VTA1: variants seen among roughly 807,000 people sequenced by gnomAD.
The protein encoded by VTA1 is vesicle trafficking 1, also known as vacuolar protein sorting-associated protein VTA1 homolog.
In VTA1, 24 loss-of-function variants were observed where a neutral mutation model predicts 36.9. The ratio of observed to expected loss-of-function variants is 0.65; its 90% CI spans 0.47 to 0.91. VTA1 has a LOEUF of 0.91. Among genes scored for constraint, VTA1 ranks in the 40% least tolerant of loss-of-function variants. VTA1 has a pLI of 0.00. For synonymous variants in VTA1, 142 were observed against 130.2 expected, an observed-to-expected ratio of 1.09 and a Z score of -0.62; for missense variants, 393 against 377.2, an observed-to-expected ratio of 1.04 and a Z score of -0.35.
At chr6:142,173,251 TA>T (rs1044175753) in intron 4 of VTA1, among the ~76,000 whole-genome samples, 4 of 152,148 alleles carry the variant, frequency 2.6e-5, no homozygotes, top group African/African-American at 9.7e-5. Flanking sequence ...GATGACTAAA[TA>T]AATACCCTTG....
Position 142,202,620 on chromosome 6 carries a change from A to G in VTA1, c.698-1365A>G, listed in dbSNP as rs750235640. Among the ~76,000 whole-genome samples the G allele has an allele frequency of 3.4e-4, 51 of 152,080 alleles. 1 individual carries two copies. Among genetic ancestry groups the G allele is most frequent in the East Asian group, 1.9e-4 (1 of 5,190 alleles). The stretch of plus-strand genomic sequence containing the variant: ...CTACCATTTGCAAAACACACACGCA[A>G]GTATGCCTTCTAGAAGATTTTGGTT... On this transcript the variant is annotated intron_variant, in intron 6 of 7. Transcript: ENST00000367630.
intron 7 of VTA1, among the ~76,000 whole-genome samples, chr6:142,204,742 T>TTTTTG (rs1001689678): frequency 1.3e-5 from 2 of 151,682 alleles, no homozygotes; most frequent in African/African-American, 4.8e-5. Context: ...GTGAAGACCT[T>TTTTTG]TTTTGTTTTG....
intron 1 of VTA1, among the ~76,000 whole-genome samples, chr6:142,165,980 CT>C (rs763634462): frequency 0.052 from 6,966 of 133,270 alleles, 360 homozygotes; most frequent in African/African-American, 0.13. Context: ...ACCTAGTCCT[CT>C]TTTTTTTTTT....
intron 4 of VTA1, among the ~76,000 whole-genome samples, chr6:142,178,470 G>C (rs1225577570): frequency 6.6e-6 from 1 of 152,118 alleles, no homozygotes; most frequent in African/African-American, 2.4e-5. Flanking sequence ...TAAAATGAAG[G>C]AAGTTTTTCA....
At chr6:142,180,864 A>G (rs1301393419) in intron 4 of VTA1, among the ~76,000 whole-genome samples, 1 of 151,876 alleles carries the variant, frequency 6.6e-6, no homozygotes, top group East Asian at 1.9e-4. Flanking sequence ...GTCAAGGTCA[A>G]GAAACACTAA....
At chr6:142,208,214 G>T (rs1322001151) in intron 7 of VTA1, among the ~76,000 whole-genome samples, 2 of 151,162 alleles carry the variant, frequency 1.3e-5, no homozygotes, top group East Asian at 1.9e-4. Context: ...ATACAGAAAA[G>T]CAATAAAGAC....
intron 6 of VTA1, 104 bp from the exon 7 acceptor site, chr6:142,203,881 A>C (rs1424997632): frequency 1.1e-6 from 1 of 885,794 alleles, no homozygotes; most frequent in African/African-American, 1.7e-5. Context: ...TTTCTAGAAA[A>C]TAAGCAAAGT....
chr6:142,175,886 C>G (rs2114651196), intron 4 of VTA1, among the ~76,000 whole-genome samples: 1 of 151,622 alleles, frequency 6.6e-6, no homozygotes, highest in South Asian at 2.1e-4. Context: ...TTGTCTGCCA[C>G]TATTCTATTT....
rs991421364 is a variant in VTA1, at chr6:142,224,329, G to A, written c.*5686G>A. The A allele has an allele frequency of 4.6e-5, 7 of 152,190 alleles. No individual in the cohort carries two copies. The highest frequency in any genetic ancestry group is 1.7e-4 in the African/African-American group (7 of 41,436). The allele number at this position is 152,190 out of a possible 1,614,324, so 9.4% of individuals were successfully genotyped here. On this transcript the variant is annotated 3_prime_UTR_variant, in exon 8 of 8. Coordinates refer to ENST00000367630, the MANE Select transcript of VTA1 (RefSeq NM_016485.5). ...ATGTTATTTGTATTGTGATATAGGG[G>A]ATATTCGGAGTCCTCTGAGACGGGA...
chr6:142,155,586 C>T (rs976432213), intron 1 of VTA1, among the ~76,000 whole-genome samples: 1 of 152,152 alleles, frequency 6.6e-6, no homozygotes, highest in Non-Finnish European at 1.5e-5. Context: ...AAATCTTTGT[C>T]TTCAGTGACC....
chr6:142,218,376 TA>T (rs1239399748), intron 7 of VTA1, 121 bp from the exon 8 acceptor site: 3 of 1,031,834 alleles, frequency 2.9e-6, no homozygotes, highest in African/African-American at 1.7e-5. Flanking sequence ...TGAGATTGAC[TA>T]AAACTACTGT....
chr6:142,150,976 A>T (rs764479249), intron 1 of VTA1, among the ~76,000 whole-genome samples: 2 of 150,700 alleles, frequency 1.3e-5, no homozygotes, highest in Non-Finnish European at 3.0e-5. Flanking sequence ...GAGGGGAAGG[A>T]GGTAGAACTT....
intron 6 of VTA1, among the ~76,000 whole-genome samples, chr6:142,199,171 T>TAACA: frequency 6.6e-6 from 1 of 152,078 alleles, no homozygotes; most frequent in East Asian, 1.9e-4. Context: ...TTTAAAAAAC[T>TAACA]AACAGGAAAG....
At chr6:142,171,384 C>G (rs1236676114) in intron 4 of VTA1, among the ~76,000 whole-genome samples, 2 of 152,218 alleles carry the variant, frequency 1.3e-5, no homozygotes, top group African/African-American at 4.8e-5. Flanking sequence ...CATGAGCCAA[C>G]ACACTGGGAC....
rs1776137524 is a variant in VTA1 at position 142,222,934 on chromosome 6, A to T, written c.*4291A>T. 1.3e-5 allele frequency: 2 copies of T among 152,250 alleles called. No homozygotes were observed. Among genetic ancestry groups the T allele is most frequent in the Non-Finnish European group, 2.9e-5 (2 of 68,034 alleles). 9.4% of individuals were successfully genotyped at this position (152,250 alleles called of 1,614,324 possible). On this transcript the variant is annotated 3_prime_UTR_variant, in exon 8 of 8. Transcript: ENST00000367630. The stretch of plus-strand genomic sequence containing the variant: ...TTTTAAGATGAGGAAAGGGAGCCAC[A>T]GAGTAACAAATTTGCCTAAGGTAAC...
intron 1 of VTA1, among the ~76,000 whole-genome samples, chr6:142,150,738 C>A (rs1462229383): frequency 6.6e-6 from 1 of 152,070 alleles, no homozygotes; most frequent in Non-Finnish European, 1.5e-5. Flanking sequence ...CATGAAGAAA[C>A]CCTGTCTGTA....
At chr6:142,204,976 A>G (rs1456078857) in intron 7 of VTA1, among the ~76,000 whole-genome samples, 1 of 152,122 alleles carries the variant, frequency 6.6e-6, no homozygotes, top group East Asian at 1.9e-4. Context: ...CGCCTGCCTC[A>G]GCCTCCCATA....
chr6:142,214,457 T>G (rs940994074), intron 7 of VTA1, among the ~76,000 whole-genome samples: 2 of 152,076 alleles, frequency 1.3e-5, no homozygotes, highest in Non-Finnish European at 2.9e-5. Context: ...CCACACACTT[T>G]TAAACCATCA....
At chr6:142,190,404 G>A (rs925372020) in intron 5 of VTA1, among the ~76,000 whole-genome samples, 1 of 151,194 alleles carries the variant, frequency 6.6e-6, no homozygotes, top group African/African-American at 2.4e-5. Context: ...TCATACAACT[G>A]GTAATATACA....
Sources: gnomAD v4.1 joint callset for allele counts (sites outside exome capture counted in the v4.1 genomes callset) on GRCh38, gnomAD v4.1.1 for gene constraint, MANE v1.5 for transcripts, NCBI Gene and HGNC (gene_info 2026-07-23, HGNC 2026-07-21) for gene names.